The following KATNAL2 variants were observed in gnomAD, a reference collection of about 807,000 sequenced individuals.
The protein encoded by KATNAL2 is katanin catalytic subunit A1 like 2, also known as katanin p60 ATPase-containing subunit A-like 2.
In KATNAL2, 52 loss-of-function variants were observed where a neutral mutation model predicts 76.3. The observed-to-expected ratio is 0.68, with a 90% CI of 0.55 to 0.86. The LOEUF is 0.86. KATNAL2 is among the 40% of genes least tolerant of loss of function. KATNAL2 has a pLI of 0.00. For synonymous variants in KATNAL2, 243 were observed against 244.2 expected (o/e 1.00, Z 0.05); for missense variants, 660 against 668.9 (o/e 0.99, Z 0.15).
chr18:47,034,767 G>T lies in KATNAL2; in HGVS notation c.52-11690G>T, dbSNP rs771252038. On this transcript the variant is annotated intron_variant, in intron 3 of 17. Transcript: ENST00000683218. Reference sequence around the variant, plus strand: ...TGCGCGTTGGAGAGGCCCGATAGCGGCCGGAATCAGCTGGGGCTATTCTGG... The same window carrying T: ...TGCGCGTTGGAGAGGCCCGATAGCGTCCGGAATCAGCTGGGGCTATTCTGG... 17 of 1,612,644 alleles carry T rather than the reference G, an allele frequency of 1.1e-5. No individual in the cohort carries two copies. The South Asian group carries it at 1.8e-4, about 17-fold the overall frequency.
At chr18:46,957,410 T>A (rs538421859) in intron 3 of KATNAL2, among the ~76,000 whole-genome samples, 262 of 150,214 alleles carry the variant, frequency 1.7e-3, no homozygotes, top group African/African-American at 5.6e-3. Context: ...GCCCGCCACC[T>A]CACCCGGCTA....
intron 3 of KATNAL2, chr18:47,034,264 G>T: frequency 6.2e-7 from 1 of 1,613,974 alleles, no homozygotes; most frequent in Non-Finnish European, 8.5e-7. Flanking sequence ...TTTCTCCTCG[G>T]GCGACAGGCC....
chr18:47,042,518 A>G (rs1201707791), intron 3 of KATNAL2, among the ~76,000 whole-genome samples: 5 of 152,234 alleles, frequency 3.3e-5, no homozygotes, highest in South Asian at 2.1e-4. Flanking sequence ...CCTCTTCATT[A>G]TGACTTTAAA....
intron 3 of KATNAL2, among the ~76,000 whole-genome samples, chr18:47,041,174 T>A (rs914689652): frequency 6.6e-6 from 1 of 152,216 alleles, no homozygotes; most frequent in African/African-American, 2.4e-5. Flanking sequence ...TACAGTGGTA[T>A]GTTGTTAAAT....
intron 5 of KATNAL2, among the ~76,000 whole-genome samples, 169 bp from the exon 6 acceptor site, chr18:47,054,227 C>T (rs533183642): frequency 3.9e-5 from 6 of 152,314 alleles, no homozygotes; most frequent in African/African-American, 1.4e-4. Flanking sequence ...TTTCTCTTCG[C>T]TGGTAATTTC....
chr18:47,055,691 G>A lies in KATNAL2; in HGVS notation c.332+1253G>A, dbSNP rs1397200300. 2.0e-5 allele frequency among the ~76,000 whole-genome samples: 3 copies of A among 152,250 alleles called. No homozygotes were observed. In the East Asian group the frequency reaches 5.8e-4, roughly 29 times the overall value. ...TCTGGGTAATAAATGATAACTGCTT[G>A]TGCATAGAAATCATGAGGAGCGTTT... On this transcript the variant is annotated intron_variant, in intron 6 of 17. Transcript: ENST00000683218.
intron 11 of KATNAL2, among the ~76,000 whole-genome samples, chr18:47,068,543 T>C (rs1331477621): frequency 6.6e-6 from 1 of 152,208 alleles, no homozygotes; most frequent in Non-Finnish European, 1.5e-5. Flanking sequence ...AAGCTCCATA[T>C]GTGTGGAGAT....
At chr18:46,965,134 G>GT (rs1186912600) in intron 3 of KATNAL2, among the ~76,000 whole-genome samples, 53 of 109,514 alleles carry the variant, frequency 4.8e-4, no homozygotes, top group Non-Finnish European at 8.8e-4. Flanking sequence ...GGAAACAGGC[G>GT]TATTTTACTC....
intron 3 of KATNAL2, among the ~76,000 whole-genome samples, chr18:47,038,040 G>T (rs772453436): frequency 6.6e-6 from 1 of 152,084 alleles, no homozygotes; most frequent in Non-Finnish European, 1.5e-5. Context: ...AAAGGACTCA[G>T]CCAATCCCCA....
chr18:47,100,714 T>C (rs1658617203), intron 17 of KATNAL2, 152 bp from the exon 18 acceptor site: 5 of 969,156 alleles, frequency 5.2e-6, no homozygotes. Flanking sequence ...AAAGAATTTT[T>C]CCCCAGCCCT....
chr18:47,092,029 C>A (rs2147370007), intron 15 of KATNAL2, among the ~76,000 whole-genome samples: 1 of 152,180 alleles, frequency 6.6e-6, no homozygotes, highest in Admixed American at 6.5e-5. Flanking sequence ...GATCAATGAT[C>A]CCACATGCCA....
At chr18:47,034,729 C>T in intron 3 of KATNAL2, 2 of 1,611,538 alleles carry the variant, frequency 1.2e-6, no homozygotes, top group Non-Finnish European at 8.5e-7. Context: ...CTCGGGCATC[C>T]GGAGGGGAGC....
At position 47,063,059 on chromosome 18, in the gene KATNAL2, C is replaced by G; in HGVS notation, c.637C>G (p.Pro213Ala). The G allele has an allele frequency of 6.2e-7, 1 of 1,613,736 alleles. No homozygotes were observed. Among genetic ancestry groups the G allele is most frequent in the Non-Finnish European group, 8.5e-7 (1 of 1,179,654 alleles). ...ELALNTFDHNPDPSERLLKPL... is the reference protein window; with the variant it reads ...ELALNTFDHNADPSERLLKPL... Reference sequence around the variant, plus strand: ...TGCCTTGAACACCTTCGACCATAATCCAGACCCCTCAGTAAGTGGCGAAGA... The same window carrying G: ...TGCCTTGAACACCTTCGACCATAATGCAGACCCCTCAGTAAGTGGCGAAGA... Residue 213 changes from proline to alanine, a missense_variant, in exon 9 of 18, where the codon CCA becomes GCA. Pro to Ala is a conservative substitution (Grantham distance 27). Transcript: ENST00000683218.
At chr18:46,957,466 G>C (rs1410739467) in intron 3 of KATNAL2, among the ~76,000 whole-genome samples, 1 of 151,480 alleles carries the variant, frequency 6.6e-6, no homozygotes, top group Non-Finnish European at 1.5e-5. Flanking sequence ...GTGTTAGCCA[G>C]GACGGTCTCC....
chr18:47,035,608 G>T, intron 3 of KATNAL2: 1 of 501,586 alleles, frequency 2.0e-6, no homozygotes, highest in South Asian at 2.2e-5. Context: ...CACGGCTCTA[G>T]CCCTGACCCT....
intron 3 of KATNAL2, among the ~76,000 whole-genome samples, chr18:46,958,467 A>G (rs1348539279): frequency 6.6e-6 from 1 of 152,178 alleles, no homozygotes; most frequent in Non-Finnish European, 1.5e-5. Flanking sequence ...ATACATACAC[A>G]TGTGCATGCG....
At chr18:47,051,079 T>C (rs1165475150) in intron 4 of KATNAL2, among the ~76,000 whole-genome samples, 1 of 152,120 alleles carries the variant, frequency 6.6e-6, no homozygotes, top group Non-Finnish European at 1.5e-5. Context: ...CTCTCTTGTG[T>C]CTTGTTATTA....
At chr18:47,062,827 T>C in intron 8 of KATNAL2, 145 bp from the exon 9 acceptor site, 3 of 555,262 alleles carry the variant, frequency 5.4e-6, no homozygotes, top group South Asian at 5.8e-5. Flanking sequence ...CGTTTAATAC[T>C]AGTGCTGGTT....
rs147302421 is a variant in KATNAL2 at position 47,098,217 on chromosome 18, G to A, written c.1212-1026G>A. On this transcript the variant is annotated intron_variant, in intron 15 of 17. Coordinates refer to ENST00000683218, the MANE Select transcript of KATNAL2 (RefSeq NM_001387690.1). ...CAGCCTGGCGACAGAGCAAGACTCC[G>A]TCTCAAAAAAAAAAAAAGTGTACTA... 1,108 of 384,294 alleles carry A rather than the reference G, an allele frequency of 2.9e-3. 15 individuals carry two copies. The highest frequency in any genetic ancestry group is 0.022 in the African/African-American group (999 of 45,916). 23.8% of individuals were successfully genotyped at this position (384,294 alleles called of 1,614,324 possible).
Sources: gnomAD v4.1 joint callset for allele counts (sites outside exome capture counted in the v4.1 genomes callset) on GRCh38, gnomAD v4.1.1 for gene constraint, MANE v1.5 for transcripts, NCBI Gene and HGNC (gene_info 2026-07-23, HGNC 2026-07-21) for gene names.